The following CHL1 variants were observed in gnomAD, a reference collection of about 807,000 sequenced individuals.
CHL1 encodes neural cell adhesion molecule L1-like protein.
Under a neutral mutation model 141.9 loss-of-function variants are expected in CHL1, and 96 were observed. The ratio of observed to expected loss-of-function variants is 0.68; its 90% CI spans 0.57 to 0.80. CHL1 has a LOEUF of 0.80. Ranked by LOEUF, CHL1 falls within the 30% of genes least tolerant of loss-of-function variation. The probability of loss-of-function intolerance (pLI) is 0.00; values close to 1 mark genes in which losing one functional copy is unlikely to be tolerated. For synonymous variants in CHL1, 613 were observed against 502.2 expected, an observed-to-expected ratio of 1.22 and a Z score of -2.95; for missense variants, 1,820 against 1,457.2, an observed-to-expected ratio of 1.25 and a Z score of -4.05.
At chr3:345,095 C>T (rs1329867372) in intron 9 of CHL1, among the ~76,000 whole-genome samples, 1 of 152,148 alleles carries the variant, frequency 6.6e-6, no homozygotes. Context: ...AGACTTCAGG[C>T]AGTAACAGGC....
intron 2 of CHL1, among the ~76,000 whole-genome samples, chr3:300,889 T>C (rs1017956928): frequency 2.0e-5 from 3 of 152,118 alleles, no homozygotes; most frequent in Non-Finnish European, 4.4e-5. Flanking sequence ...GTGATGAAAG[T>C]AAAGGATTCT....
chr3:374,510 C>T (rs1376910295), intron 15 of CHL1, among the ~76,000 whole-genome samples: 2 of 152,098 alleles, frequency 1.3e-5, no homozygotes, highest in East Asian at 3.9e-4. Flanking sequence ...AGGCTTTGAC[C>T]CCAGAAGCCC....
At chr3:376,002 G>A (rs1414134919) in intron 15 of CHL1, among the ~76,000 whole-genome samples, 1 of 152,102 alleles carries the variant, frequency 6.6e-6, no homozygotes, top group Non-Finnish European at 1.5e-5. Flanking sequence ...TGGTTTTAGT[G>A]GATAGATTTC....
intron 2 of CHL1, among the ~76,000 whole-genome samples, chr3:248,871 A>G (rs2125128938): frequency 6.6e-6 from 1 of 152,300 alleles, no homozygotes; most frequent in South Asian, 2.1e-4. Context: ...TCTTATATTG[A>G]CATTTAAAAG....
At chr3:260,185 A>T (rs1248369884) in intron 2 of CHL1, among the ~76,000 whole-genome samples, 2 of 152,058 alleles carry the variant, frequency 1.3e-5, no homozygotes, top group African/African-American at 4.8e-5. Flanking sequence ...AATCACTTGA[A>T]CCCAGGAGGT....
intron 2 of CHL1, among the ~76,000 whole-genome samples, chr3:258,255 T>G (rs1694364513): frequency 6.6e-6 from 1 of 152,216 alleles, no homozygotes; most frequent in Non-Finnish European, 1.5e-5. Flanking sequence ...TCAATCATAT[T>G]ATTATGAATC....
At chr3:285,875 A>G (rs1442958324) in intron 2 of CHL1, among the ~76,000 whole-genome samples, 1 of 152,118 alleles carries the variant, frequency 6.6e-6, no homozygotes, top group Non-Finnish European at 1.5e-5. Flanking sequence ...CTTAGGAAAG[A>G]AAAATGGTTG....
Position 408,927 on chromosome 3 carries a change from T to C in CHL1, c.*3216T>C, listed in dbSNP as rs1334984519. 2.6e-5 allele frequency: 4 copies of C among 152,120 alleles called. No individual in the cohort carries two copies. Among genetic ancestry groups the C allele is most frequent in the African/African-American group, 9.7e-5 (4 of 41,442 alleles). The allele number at this position is 152,120 out of a possible 1,614,324, so 9.4% of individuals were successfully genotyped here. On this transcript the variant is annotated 3_prime_UTR_variant, in exon 28 of 28. Transcript: ENST00000256509. ...ATGCTGGAAGTCTCAAATAATATTTTTTTCCTATTTTATACTCATGGAAGA... is the reference window on the plus strand; with the variant it reads ...ATGCTGGAAGTCTCAAATAATATTTCTTTCCTATTTTATACTCATGGAAGA...
chr3:210,119 A>T (rs182238411), intron 1 of CHL1, among the ~76,000 whole-genome samples: 2 of 152,334 alleles, frequency 1.3e-5, no homozygotes, highest in African/African-American at 2.4e-5. Flanking sequence ...GCTGTTTGTT[A>T]TTAGGAAGAA....
intron 25 of CHL1, 45 bp downstream of exon 25, chr3:398,430 T>G (rs1230241614): frequency 7.8e-7 from 1 of 1,281,722 alleles, no homozygotes; most frequent in Non-Finnish European, 1.1e-6. Context: ...TCAATCTATG[T>G]CCTGTAGAAT....
At chr3:298,108 G>A (rs866080662) in intron 2 of CHL1, among the ~76,000 whole-genome samples, 2 of 152,184 alleles carry the variant, frequency 1.3e-5, no homozygotes, top group Non-Finnish European at 2.9e-5. Context: ...TATAACTCAG[G>A]AAAGAGACAA....
intron 15 of CHL1, among the ~76,000 whole-genome samples, chr3:367,873 T>C (rs1397484780): frequency 6.6e-6 from 1 of 152,072 alleles, no homozygotes; most frequent in Non-Finnish European, 1.5e-5. Flanking sequence ...TCCCACATGT[T>C]TGCTGATGAT....
rs550576342 is a variant in CHL1, at chr3:241,102, T to C, written c.-174-3511T>C. ...GGAACTCAAGATTTCTTATGTTAAA[T>C]ACAGAATAAAGGAAGTAGGAATATT... On this transcript the variant is annotated intron_variant, in intron 1 of 27. Coordinates refer to ENST00000256509, the MANE Select transcript of CHL1 (RefSeq NM_006614.4). Among the ~76,000 whole-genome samples the C allele has an allele frequency of 2.1e-4, 32 of 152,296 alleles. 1 individual carries two copies. In the South Asian group the frequency reaches 6.6e-3, roughly 32 times the overall value.
chr3:381,044 C>G (rs1182834627), intron 16 of CHL1, among the ~76,000 whole-genome samples: 2 of 152,258 alleles, frequency 1.3e-5, no homozygotes, highest in Non-Finnish European at 2.9e-5. Context: ...ATCCAAGGAA[C>G]TTGTTTGCAA....
intron 19 of CHL1, chr3:384,416 C>T (rs1707421977): frequency 6.6e-6 from 1 of 152,254 alleles, no homozygotes; most frequent in East Asian, 1.9e-4. Flanking sequence ...TTGCCCATCA[C>T]CACACAACCA....
intron 20 of CHL1, among the ~76,000 whole-genome samples, chr3:390,362 T>A (rs1008410265): frequency 2.0e-5 from 3 of 152,162 alleles, no homozygotes; most frequent in African/African-American, 7.2e-5. Context: ...TTATTAATAT[T>A]TGATTAACAA....
intron 2 of CHL1, among the ~76,000 whole-genome samples, chr3:295,562 T>C (rs1698114522): frequency 6.6e-6 from 1 of 152,046 alleles, no homozygotes; most frequent in African/African-American, 2.4e-5. Flanking sequence ...AAGTAACTCT[T>C]TTTTTTTCTT....
chr3:339,209 T>C (rs1282110686), intron 5 of CHL1, among the ~76,000 whole-genome samples: 1 of 152,212 alleles, frequency 6.6e-6, no homozygotes, highest in Non-Finnish European at 1.5e-5. Flanking sequence ...AATTTGGAGA[T>C]TTGGGTACAT....
chr3:200,563 C>G (rs28393733), intron 1 of CHL1, among the ~76,000 whole-genome samples: 8,112 of 152,250 alleles, frequency 0.053, 245 homozygotes, highest in Middle Eastern at 0.11. Flanking sequence ...TTATTATGGT[C>G]ATTTACATAC....
Sources: allele counts gnomAD v4.1 joint callset (sites outside exome capture counted in the v4.1 genomes callset), GRCh38; gene constraint gnomAD v4.1.1; transcripts MANE v1.5; gene names NCBI Gene and HGNC (gene_info 2026-07-23, HGNC 2026-07-21).